Variants in ATP2A3 observed in about 807,000 individuals in gnomAD.
The protein encoded by ATP2A3 is sarcoplasmic/endoplasmic reticulum calcium ATPase 3.
ATP2A3 carries 61 observed loss-of-function variants against 106.8 expected under a neutral mutation model. The ratio of observed to expected loss-of-function variants is 0.57; its 90% CI spans 0.46 to 0.71. ATP2A3 has a LOEUF of 0.71. Among genes scored for constraint, ATP2A3 ranks in the 30% least tolerant of loss-of-function variants. The probability of loss-of-function intolerance (pLI) is 0.00; values close to 1 mark genes in which losing one functional copy is unlikely to be tolerated. For missense variants in ATP2A3, 1,201 were observed against 1,423.5 expected, an observed-to-expected ratio of 0.84 and a Z score of 2.52; for synonymous variants, 611 against 609.3, an observed-to-expected ratio of 1.00 and a Z score of -0.04.
rs1246679429 is a variant in ATP2A3 at position 3,941,366 on chromosome 17, C to A, written c.1765-60G>T. 3 of 1,613,578 alleles carry A rather than the reference C, an allele frequency of 1.9e-6. No individual in the cohort carries two copies. The Admixed American group carries it at 5.0e-5, about 27-fold the overall frequency. On this transcript the variant is annotated intron_variant, in intron 13 of 20. Coordinates refer to ENST00000397041, the MANE Select transcript of ATP2A3 (RefSeq NM_005173.4). ...GCCCATCCCTGACCTACCACCTGCT[C>A]AGCTGCTGCAGGGAGACTTGGCTCC...
At position 3,945,142 on chromosome 17, in the gene ATP2A3, C is replaced by G; in HGVS notation, c.1102G>C (p.Val368Leu). ...TNQMSVCRMFVVAEADAGSCL... is the reference protein window; with the variant it reads ...TNQMSVCRMFLVAEADAGSCL... Reference sequence around the variant, plus strand: ...GAGCCCGCATCGGCCTCGGCTACCACGAACATCTGGGGAGCGCAGGGGCGT... The same window carrying G: ...GAGCCCGCATCGGCCTCGGCTACCAGGAACATCTGGGGAGCGCAGGGGCGT... The change falls in exon 9 of 21, where the codon GTG (valine) becomes CTG (leucine). Residue 368 changes from valine (V) to leucine (L), a missense_variant. Around this residue, in one of 2 missense-constraint regions of ATP2A3, gnomAD observed 935 missense variants for 1,176.7 expected, o/e 0.79. Transcript: ENST00000397041. The G allele has an allele frequency of 6.5e-7, 1 of 1,547,802 alleles. No homozygotes were observed. The highest frequency in any genetic ancestry group is 1.2e-5 in the South Asian group (1 of 83,962).
rs1597669564 is a variant in ATP2A3, at chr17:3,955,737, G to C, written c.119-2027C>G. 6.6e-6 allele frequency among the ~76,000 whole-genome samples: 1 copy of C among 152,106 alleles called. No homozygotes were observed. On this transcript the variant is annotated intron_variant, in intron 1 of 20. Transcript: ENST00000397041. The surrounding 1 kb of genome is among the most constrained non-coding windows in gnomAD (Gnocchi z 4.2). ...TGTAACCCTCACCTTTCTTTATTCT[G>C]GGCAGGGGCGAGGCCTGGGGTTGGG... is the stretch of plus-strand genomic sequence containing the variant.
intron 17 of ATP2A3, 42 bp downstream of exon 17, chr17:3,935,150 G>A (rs371138098): frequency 1.2e-6 from 2 of 1,602,514 alleles, no homozygotes; most frequent in South Asian, 1.1e-5. Context: ...CCAACAACTC[G>A]AGCTGTAAGT....
At chr17:3,954,287 G>A (rs966941138) in intron 1 of ATP2A3, among the ~76,000 whole-genome samples, 2 of 151,886 alleles carry the variant, frequency 1.3e-5, no homozygotes, top group African/African-American at 2.4e-5. Flanking sequence ...GGGCCCCACC[G>A]CACAGCAGGG....
At chr17:3,942,105 G>A (rs2053818033) in intron 12 of ATP2A3, among the ~76,000 whole-genome samples, 1 of 152,142 alleles carries the variant, frequency 6.6e-6, no homozygotes, top group African/African-American at 2.4e-5. Context: ...ATAGCCCTGG[G>A]AAGGGGGTCC....
chr17:3,941,997 T>G (rs1288625812), intron 12 of ATP2A3, among the ~76,000 whole-genome samples: 2 of 152,152 alleles, frequency 1.3e-5, no homozygotes, highest in African/African-American at 4.8e-5. Flanking sequence ...TCCCTGGTGC[T>G]ACTCGGGTTC....
rs1354069525 is a variant in ATP2A3 at position 3,958,831 on chromosome 17, T to TATAC, written c.119-5122_119-5121insGTAT. Among the ~76,000 whole-genome samples the TATAC allele has an allele frequency of 2.0e-3, 265 of 131,680 alleles. 5 individuals are homozygous for TATAC. Among genetic ancestry groups the TATAC allele is most frequent in the African/African-American group, 7.9e-3 (240 of 30,272 alleles). 86.4% of individuals were successfully genotyped at this position (131,680 alleles called of 152,430 possible). On this transcript the variant is annotated intron_variant, in intron 1 of 20. Transcript: ENST00000397041. ...ACATATATATATACACACATATATA[T>TATAC]ACACACACACATATATAAATATATA...
chr17:3,939,923 T>C (rs1186247148), intron 14 of ATP2A3, among the ~76,000 whole-genome samples: 3 of 149,468 alleles, frequency 2.0e-5, no homozygotes, highest in African/African-American at 4.9e-5. Flanking sequence ...AAAACTCATA[T>C]ACGGTGAAAA....
intron 9 of ATP2A3, 96 bp from the exon 10 acceptor site, chr17:3,944,902 G>C: frequency 7.4e-7 from 1 of 1,343,290 alleles, no homozygotes; most frequent in South Asian, 1.4e-5. Context: ...TCCGCCTCTT[G>C]GCCCCGCCCC....
At chr17:3,940,343 T>G (rs879311097) in intron 14 of ATP2A3, among the ~76,000 whole-genome samples, 1 of 152,098 alleles carries the variant, frequency 6.6e-6, no homozygotes, top group Non-Finnish European at 1.5e-5. Flanking sequence ...GAGGGGGAAG[T>G]ATGCCGATGT....
intron 14 of ATP2A3, among the ~76,000 whole-genome samples, chr17:3,939,673 G>A (rs1290913771): frequency 6.7e-6 from 1 of 150,256 alleles, no homozygotes; most frequent in Non-Finnish European, 1.5e-5. Flanking sequence ...TGTGGTCCCA[G>A]CTACTCAGGA....
chr17:3,929,367 C>A lies in ATP2A3; in HGVS notation c.2823G>T (p.Met941Ile). Reference sequence around the variant, plus strand: ...CGAGCAGGATGAGGAAGTGCAGGGCCATGGACATGGCCACAGCCACCAGCA... The same window carrying A: ...CGAGCAGGATGAGGAAGTGCAGGGCAATGGACATGGCCACAGCCACCAGCA... ...PWLLVAVAMS[M>I]ALHFLILLVP... The change falls in exon 19 of 21, where the codon ATG (methionine) becomes ATT (isoleucine). Residue 941 changes from methionine (M) to isoleucine (I), a missense_variant. Transcript: ENST00000397041. The surrounding 1 kb of genome is among the most constrained non-coding windows in gnomAD (Gnocchi z 4.3). The A allele has an allele frequency of 6.4e-7, 1 of 1,567,126 alleles. No individual in the cohort carries two copies. Among genetic ancestry groups the A allele is most frequent in the South Asian group, 1.2e-5 (1 of 85,348 alleles).
At chr17:3,932,064 G>C (rs896603694) in intron 17 of ATP2A3, among the ~76,000 whole-genome samples, 1 of 152,216 alleles carries the variant, frequency 6.6e-6, no homozygotes, top group Non-Finnish European at 1.5e-5. Context: ...CTCTTAAATC[G>C]ATAGTGGACG....
intron 3 of ATP2A3, among the ~76,000 whole-genome samples, chr17:3,951,966 G>T (rs1365879965): frequency 1.3e-5 from 2 of 152,174 alleles, no homozygotes; most frequent in Admixed American, 1.3e-4. Context: ...ATCTCAGTGT[G>T]GTCCCCAGAC....
intron 4 of ATP2A3, 74 bp downstream of exon 4, chr17:3,951,507 C>A: frequency 6.4e-7 from 1 of 1,568,082 alleles, no homozygotes; most frequent in Non-Finnish European, 8.6e-7. Context: ...TGCAGGACGC[C>A]AGCACCAGGT....
rs766895025 is a variant in ATP2A3, at chr17:3,950,769, C to A, written c.468G>T (p.Gly156=). 5 of 1,613,024 alleles carry A rather than the reference C, an allele frequency of 3.1e-6. No homozygotes were observed. Among genetic ancestry groups the A allele is most frequent in the Non-Finnish European group, 4.2e-6 (5 of 1,179,880 alleles). ...GGCGGAGGTCAGCAGGCACTTTGTCCCCCACTGTGCGGGGAGAATGGCTTG... is the reference window on the plus strand; with the variant it reads ...GGCGGAGGTCAGCAGGCACTTTGTCACCCACTGTGCGGGGAGAATGGCTTG... ...VPGDIVEVAV[G]DKVPADLRLI... is the part of the protein sequence containing the mutation. The change falls in exon 6 of 21, where the codon GGG becomes GGT. Residue 156 remains glycine (G), a synonymous_variant. Transcript: ENST00000397041.
rs2052703173 is a variant in ATP2A3, at chr17:3,926,277, C to T, written c.2981-836G>A. The stretch of plus-strand genomic sequence containing the variant: ...AGCGCAAAGGGTCCCTCTCTCACCC[C>T]CGCCCCGTCTGGCTTTAGGAGGCCC... On this transcript the variant is annotated intron_variant, in intron 20 of 20. Transcript: ENST00000397041. This position sits in a 1 kb window ranked among gnomAD's most constrained non-coding sequence, Gnocchi z 4.6. Among the ~76,000 whole-genome samples, 1 of 152,224 alleles carries T rather than the reference C, an allele frequency of 6.6e-6. No individual in the cohort carries two copies. The highest frequency in any genetic ancestry group is 6.5e-5 in the Admixed American group (1 of 15,282).
Position 3,944,776 on chromosome 17 carries a change from G to A in ATP2A3, c.1215C>T (p.Gly405=). ...VRQGDQPVRC[G]QFDGLVELAT... ...CCAGCTCCACCAGCCCGTCGAACTG[G>A]CCGCAGCGCACAGGCTGATCCCCCT... The change falls in exon 10 of 21, where the codon GGC becomes GGT. Residue 405 remains glycine, a synonymous_variant. Coordinates refer to ENST00000397041, the MANE Select transcript of ATP2A3 (RefSeq NM_005173.4). 1 of 1,612,420 alleles carries A rather than the reference G, an allele frequency of 6.2e-7. No homozygotes were observed. The highest frequency in any genetic ancestry group is 8.5e-7 in the Non-Finnish European group (1 of 1,179,444).
At chr17:3,938,162 G>A (rs1389098503) in intron 14 of ATP2A3, among the ~76,000 whole-genome samples, 2 of 152,188 alleles carry the variant, frequency 1.3e-5, no homozygotes, top group East Asian at 1.9e-4. Context: ...GGCCAGGAGC[G>A]GTGGCTCACG....
Sources: allele counts gnomAD v4.1 joint callset (sites outside exome capture counted in the v4.1 genomes callset), GRCh38; gene constraint gnomAD v4.1.1; regional missense constraint gnomAD v4.1.1; non-coding constraint Gnocchi (gnomAD v3.1); transcripts MANE v1.5; gene names NCBI Gene and HGNC (gene_info 2026-07-23, HGNC 2026-07-21).